Variants in NARS2 observed in about 807,000 individuals in gnomAD.
NARS2 encodes asparaginyl-tRNA synthetase 2, mitochondrial, also known as asparaginyl-tRNA synthetase.
Under a neutral mutation model 62.9 loss-of-function variants are expected in NARS2, and 60 were observed. That is an observed-to-expected ratio of 0.95 (90% confidence interval 0.77 to 1.18). The LOEUF (loss-of-function observed/expected upper bound fraction) is 1.18. Among genes scored for constraint, NARS2 ranks in the 50% most tolerant of loss-of-function variants. NARS2 has a pLI of 0.00. For missense variants in NARS2, 619 were observed against 576.4 expected, an observed-to-expected ratio of 1.07 and a Z score of -0.76; for synonymous variants, 196 against 200.0, an observed-to-expected ratio of 0.98 and a Z score of 0.17.
At chr11:78,548,430 A>G (rs1855961408) in intron 5 of NARS2, among the ~76,000 whole-genome samples, 1 of 152,212 alleles carries the variant, frequency 6.6e-6, no homozygotes, top group African/African-American at 2.4e-5. Context: ...GTGTGCCATA[A>G]ACAACTTAGT....
At chr11:78,544,590 C>A (rs113782062) in intron 5 of NARS2, among the ~76,000 whole-genome samples, 1 of 151,946 alleles carries the variant, frequency 6.6e-6, no homozygotes, top group African/African-American at 2.4e-5. Context: ...GTCAGGAGAT[C>A]GAGACCATCC....
chr11:78,504,006 C>T (rs1860387293), intron 6 of NARS2, among the ~76,000 whole-genome samples: 1 of 152,174 alleles, frequency 6.6e-6, no homozygotes, highest in Non-Finnish European at 1.5e-5. Context: ...CCGTTATCTC[C>T]AAATTCCCAA....
At position 78,528,877 on chromosome 11, in the gene NARS2, A is replaced by AAC. The variant is rs777106477; in HGVS notation, c.653_654insGT (p.Val219LeufsTer8). ...CTTCTAGATGAAGTTGTCCTGAGAC[A>AAC]GTTAAGAAAGCAGGAACATTGAAGA... On this transcript the variant is annotated frameshift_variant, in exon 6 of 14. Transcript: ENST00000281038. LOFTEE classifies it high-confidence loss of function. 1 of 1,612,934 alleles carries AAC rather than the reference A, an allele frequency of 6.2e-7. No homozygotes were observed. The highest frequency in any genetic ancestry group is 8.5e-7 in the Non-Finnish European group (1 of 1,179,414).
chr11:78,441,538 C>T (rs1857576526), intron 12 of NARS2, among the ~76,000 whole-genome samples: 1 of 151,948 alleles, frequency 6.6e-6, no homozygotes, highest in South Asian at 2.1e-4. Flanking sequence ...TGGTGAAACC[C>T]CATCTCTACT....
At chr11:78,538,674 T>A (rs1453900441) in intron 5 of NARS2, among the ~76,000 whole-genome samples, 1 of 152,012 alleles carries the variant, frequency 6.6e-6, no homozygotes, top group East Asian at 1.9e-4. Context: ...TGACTGTAGC[T>A]TGAGGGACTC....
intron 4 of NARS2, among the ~76,000 whole-genome samples, chr11:78,564,431 T>G (rs1429092441): frequency 1.3e-5 from 2 of 152,002 alleles, no homozygotes; most frequent in African/African-American, 4.8e-5. Context: ...GCTCAAAAGA[T>G]CCTCCTGCCT....
intron 5 of NARS2, among the ~76,000 whole-genome samples, chr11:78,558,917 A>G (rs984204936): frequency 6.6e-6 from 1 of 152,192 alleles, no homozygotes; most frequent in Non-Finnish European, 1.5e-5. Flanking sequence ...GAATCTGCGT[A>G]AGAGAGAGCT....
At chr11:78,445,283 A>G (rs995149789) in intron 11 of NARS2, among the ~76,000 whole-genome samples, 3 of 152,350 alleles carry the variant, frequency 2.0e-5, no homozygotes, top group Admixed American at 2.0e-4. Flanking sequence ...ACTAATTAGT[A>G]TTACTAAATT....
chr11:78,523,709 C>T (rs1439566477), intron 6 of NARS2, among the ~76,000 whole-genome samples: 1 of 152,080 alleles, frequency 6.6e-6, no homozygotes, highest in Non-Finnish European at 1.5e-5. Flanking sequence ...AAACCAGTCA[C>T]AAAATACAAT....
Position 78,443,714 on chromosome 11 carries a change from A to C in NARS2, c.1209T>G (p.Phe403Leu). Residue 403 changes from phenylalanine (F) to leucine (L), a missense_variant, in exon 12 of 14, where the codon TTT (phenylalanine) becomes TTG (leucine). Coordinates refer to ENST00000281038, the MANE Select transcript of NARS2 (RefSeq NM_024678.6). Reference protein sequence around the residue: ...DLLVPGVGELFGGGLREERYH... With the variant: ...DLLVPGVGELLGGGLREERYH... ...ATCGTTCTTCTCTGAGGCCTCCTCCAAAGAGTTCCCCAACTCCAGGAACCA... is the reference window on the plus strand; with the variant it reads ...ATCGTTCTTCTCTGAGGCCTCCTCCCAAGAGTTCCCCAACTCCAGGAACCA... The C allele has an allele frequency of 6.2e-7, 1 of 1,614,034 alleles. No homozygotes were observed. The highest frequency in any genetic ancestry group is 1.1e-5 in the South Asian group (1 of 91,080).
chr11:78,520,635 A>C (rs1184602374), intron 6 of NARS2, among the ~76,000 whole-genome samples: 3 of 152,174 alleles, frequency 2.0e-5, no homozygotes, highest in Non-Finnish European at 2.9e-5. Context: ...ATCCTTCCAT[A>C]AATCTAAGCT....
intron 10 of NARS2, among the ~76,000 whole-genome samples, chr11:78,468,405 G>C (rs1213999321): frequency 2.0e-5 from 3 of 148,588 alleles, no homozygotes; most frequent in African/African-American, 7.4e-5. Context: ...TTCTTTTGTT[G>C]GTCATCTTTT....
chr11:78,531,885 G>T (rs1315853861), intron 5 of NARS2, among the ~76,000 whole-genome samples: 1 of 152,158 alleles, frequency 6.6e-6, no homozygotes, highest in Non-Finnish European at 1.5e-5. Flanking sequence ...GGGAAAATGG[G>T]ATGTAACTAC....
intron 5 of NARS2, among the ~76,000 whole-genome samples, chr11:78,531,110 T>C (rs1370859153): frequency 6.6e-6 from 1 of 152,008 alleles, no homozygotes; most frequent in Admixed American, 6.5e-5. Flanking sequence ...TCCAAAGGAC[T>C]GTCCTGCCAC....
At chr11:78,550,453 G>A (rs967429111) in intron 5 of NARS2, among the ~76,000 whole-genome samples, 4 of 152,086 alleles carry the variant, frequency 2.6e-5, no homozygotes, top group African/African-American at 7.2e-5. Context: ...AGAATGAAGC[G>A]TTAGCCCATT....
At chr11:78,520,411 AT>A (rs1374442076) in intron 6 of NARS2, among the ~76,000 whole-genome samples, 1 of 152,122 alleles carries the variant, frequency 6.6e-6, no homozygotes, top group Non-Finnish European at 1.5e-5. Context: ...CCTTTCTCTT[AT>A]AAAAATACCA....
chr11:78,507,197 G>A (rs549647564), intron 6 of NARS2, among the ~76,000 whole-genome samples: 4 of 137,304 alleles, frequency 2.9e-5, no homozygotes, highest in African/African-American at 1.1e-4. Context: ...AAGAGCCAGC[G>A]GACTTCTCCA....
At chr11:78,523,051 G>A (rs1861184450) in intron 6 of NARS2, among the ~76,000 whole-genome samples, 1 of 152,144 alleles carries the variant, frequency 6.6e-6, no homozygotes, top group Non-Finnish European at 1.5e-5. Context: ...TAAAGGACTT[G>A]TATGCAGAAT....
chr11:78,537,345 G>A (rs959903992), intron 5 of NARS2, among the ~76,000 whole-genome samples: 6 of 152,194 alleles, frequency 3.9e-5, no homozygotes, highest in Non-Finnish European at 7.3e-5. Flanking sequence ...CTCAGACAGA[G>A]TACAGATAGT....
Sources: gnomAD v4.1 joint callset for allele counts (sites outside exome capture counted in the v4.1 genomes callset) on GRCh38, gnomAD v4.1.1 for gene constraint, MANE v1.5 for transcripts, NCBI Gene and HGNC (gene_info 2026-07-23, HGNC 2026-07-21) for gene names.